NTN4: variants seen among roughly 807,000 people sequenced by gnomAD.
NTN4 encodes the protein netrin 4.
Under a neutral mutation model 73.6 loss-of-function variants are expected in NTN4, and 32 were observed. The ratio of observed to expected loss-of-function variants is 0.44; its 90% confidence interval spans 0.33 to 0.58. NTN4 has a LOEUF of 0.58. Ranked by LOEUF, NTN4 falls within the 20% of genes least tolerant of loss-of-function variation. NTN4 has a pLI of 0.04. For synonymous variants in NTN4, 258 were observed against 287.5 expected, an observed-to-expected ratio of 0.90 and a Z score of 1.04; for missense variants, 654 against 798.3, an observed-to-expected ratio of 0.82 and a Z score of 2.18.
At position 95,659,081 on chromosome 12, in the gene NTN4, T is replaced by C; in HGVS notation, c.*5A>G. The C allele has an allele frequency of 6.2e-7, 1 of 1,609,452 alleles. No homozygotes were observed. The highest frequency in any genetic ancestry group is 8.5e-7 in the Non-Finnish European group (1 of 1,178,590). On this transcript the variant is annotated 3_prime_UTR_variant, in exon 10 of 10. Coordinates refer to ENST00000343702, the MANE Select transcript of NTN4 (RefSeq NM_021229.4). ...AAGTGCCATTATGTGCTATCCATCT[T>C]AATGCTACTTGCACTCTCTTTTTAA... is the stretch of plus-strand genomic sequence containing the variant.
intron 3 of NTN4, among the ~76,000 whole-genome samples, chr12:95,724,667 T>C (rs1199025664): frequency 2.6e-5 from 4 of 152,164 alleles, no homozygotes; most frequent in Non-Finnish European, 5.9e-5. Context: ...ATACTAGATT[T>C]TTGCTGTAAT....
intron 2 of NTN4, among the ~76,000 whole-genome samples, chr12:95,749,759 C>T (rs2078889970): frequency 1.3e-5 from 2 of 151,066 alleles, no homozygotes; most frequent in African/African-American, 4.9e-5. Flanking sequence ...GGGGCAAGTA[C>T]CCCAACCCCT....
intron 5 of NTN4, among the ~76,000 whole-genome samples, chr12:95,700,748 G>T (rs1470875239): frequency 6.6e-6 from 1 of 151,886 alleles, no homozygotes; most frequent in African/African-American, 2.4e-5. Context: ...AATTATCTAG[G>T]AAGGTTATTC....
At chr12:95,672,524 T>C (rs1382640064) in intron 7 of NTN4, 1 of 1,529,006 alleles carries the variant, frequency 6.5e-7, no homozygotes. Context: ...CTAGATGCCA[T>C]TGATCAGATG....
intron 9 of NTN4, 48 bp from the exon 10 acceptor site, chr12:95,659,270 AG>A (rs1240563007): frequency 6.9e-7 from 1 of 1,450,612 alleles, no homozygotes; most frequent in East Asian, 2.3e-5. Context: ...ACTTTGTTGA[AG>A]GGAGAGATGT....
At chr12:95,732,163 A>G (rs977935685) in intron 3 of NTN4, among the ~76,000 whole-genome samples, 16 of 151,934 alleles carry the variant, frequency 1.1e-4, no homozygotes, top group African/African-American at 3.9e-4. Context: ...TGTTTTTTAA[A>G]TCTCCTGTTC....
At chr12:95,731,207 A>G (rs2078734768) in intron 3 of NTN4, among the ~76,000 whole-genome samples, 1 of 152,196 alleles carries the variant, frequency 6.6e-6, no homozygotes, top group African/African-American at 2.4e-5. Flanking sequence ...TTGTAAGAGC[A>G]GTCATACCTT....
intron 9 of NTN4, among the ~76,000 whole-genome samples, chr12:95,664,498 A>G (rs2078164243): frequency 1.3e-5 from 2 of 152,198 alleles, no homozygotes; most frequent in Non-Finnish European, 2.9e-5. Context: ...AAAGTTCTGT[A>G]TCAATGTTGA....
chr12:95,667,896 CAAATA>C (rs1343368936), intron 8 of NTN4, among the ~76,000 whole-genome samples: 2 of 127,874 alleles, frequency 1.6e-5, no homozygotes, highest in East Asian at 4.8e-4. Flanking sequence ...ATAAATAAAA[CAAATA>C]AATAAAGTGA....
At chr12:95,685,449 C>T (rs2078354047) in intron 5 of NTN4, among the ~76,000 whole-genome samples, 1 of 152,184 alleles carries the variant, frequency 6.6e-6, no homozygotes, top group Non-Finnish European at 1.5e-5. Context: ...TATAACTTTC[C>T]TGAATCCTGG....
chr12:95,749,680 T>C (rs540784964), intron 2 of NTN4, among the ~76,000 whole-genome samples: 3 of 152,316 alleles, frequency 2.0e-5, no homozygotes, highest in African/African-American at 4.8e-5. Flanking sequence ...GTTTCAAAGG[T>C]GTCAGATCAC....
intron 5 of NTN4, among the ~76,000 whole-genome samples, chr12:95,700,942 T>C (rs1391415331): frequency 1.3e-5 from 2 of 151,726 alleles, no homozygotes; most frequent in African/African-American, 4.8e-5. Flanking sequence ...GCCTCCCAAG[T>C]AGCTGGGACT....
intron 9 of NTN4, among the ~76,000 whole-genome samples, chr12:95,659,769 A>G (rs1052274828): frequency 1.3e-5 from 2 of 152,162 alleles, no homozygotes; most frequent in Non-Finnish European, 2.9e-5. Flanking sequence ...TTGTTTTGCA[A>G]ATGAGGAAAC....
In NTN4 at chr12:95,730,542, A is replaced by AT. The variant is rs111833458; in HGVS notation, c.864+7323dup. Among the ~76,000 whole-genome samples the AT allele has an allele frequency of 1.8e-3, 277 of 152,242 alleles. 2 individuals carry two copies. Among genetic ancestry groups the AT allele is most frequent in the African/African-American group, 6.4e-3 (267 of 41,542 alleles). On this transcript the variant is annotated intron_variant, in intron 3 of 9. Coordinates refer to ENST00000343702, the MANE Select transcript of NTN4 (RefSeq NM_021229.4). ...TCATCAGAAACAGTAATCCTGGGCA[A>AT]TTTTTTCCATTAAAAGAAAGTATAT...
At chr12:95,700,757 T>G (rs1334687486) in intron 5 of NTN4, among the ~76,000 whole-genome samples, 3 of 151,906 alleles carry the variant, frequency 2.0e-5, no homozygotes, top group Non-Finnish European at 4.4e-5. Flanking sequence ...GGAAGGTTAT[T>G]CTCTTTTTTC....
rs774790863 is a variant in NTN4, at chr12:95,738,061, G to A, written c.669C>T (p.Asn223=). Reference sequence around the variant, plus strand: ...GTCGTTTCAGCAGCTGCACGCGAAGGTTGGTGATCTTCAGCTGCTCCTGAA... The same window carrying A: ...GTCGTTTCAGCAGCTGCACGCGAAGATTGGTGATCTTCAGCTGCTCCTGAA... ...AKVQEQLKIT[N]LRVQLLKRQS... is the part of the protein sequence containing the mutation. Residue 223 remains asparagine, a synonymous_variant, in exon 3 of 10, where the codon AAC becomes AAT. Coordinates refer to ENST00000343702, the MANE Select transcript of NTN4 (RefSeq NM_021229.4). 1.2e-6 allele frequency: 2 copies of A among 1,614,148 alleles called. No homozygotes were observed. The highest frequency in any genetic ancestry group is 1.7e-5 in the Admixed American group (1 of 60,022).
Position 95,713,235 on chromosome 12 carries a change from G to T in NTN4, c.968C>A (p.Thr323Lys). 1 of 1,613,518 alleles carries T rather than the reference G, an allele frequency of 6.2e-7. No individual in the cohort carries two copies. The change falls in exon 4 of 10, where the codon ACG (threonine) becomes AAG (lysine). Residue 323 changes from threonine (T) to lysine (K), a missense_variant. By Grantham distance (78) the Thr-to-Lys change is moderately conservative. Coordinates refer to ENST00000343702, the MANE Select transcript of NTN4 (RefSeq NM_021229.4). ...ACTTCTGCACTCGTTGGGAGCCCCC[G>T]TTTTGCCATCAGCTGCCTCCCATGG... The part of the protein sequence containing the change: ...DRPWEAADGK[T>K]GAPNECRTCK...
intron 7 of NTN4, chr12:95,670,648 G>C (rs1438164537): frequency 6.6e-6 from 1 of 152,256 alleles, no homozygotes; most frequent in African/African-American, 2.4e-5. Context: ...GCACCATAAA[G>C]ATAAGCAAGA....
intron 2 of NTN4, among the ~76,000 whole-genome samples, chr12:95,750,198 T>A: frequency 6.9e-6 from 1 of 145,610 alleles, no homozygotes. Context: ...CCCTTATTTC[T>A]GTGCCCCATC....
Sources: allele counts gnomAD v4.1 joint callset (sites outside exome capture counted in the v4.1 genomes callset), GRCh38; gene constraint gnomAD v4.1.1; transcripts MANE v1.5; gene names NCBI Gene and HGNC (gene_info 2026-07-23, HGNC 2026-07-21).